Variants in CCDC171 observed in about 807,000 individuals in gnomAD.
CCDC171 encodes coiled-coil domain containing 171, also known as coiled-coil domain-containing protein 171.
Under a neutral mutation model 168.2 loss-of-function variants are expected in CCDC171, and 177 were observed. That is an observed-to-expected ratio of 1.05 (90% CI 0.93 to 1.19). CCDC171 has a LOEUF of 1.19. Among genes scored for constraint, CCDC171 ranks in the 50% most tolerant of loss-of-function variants. The pLI, the probability that CCDC171 is intolerant of heterozygous loss-of-function variation, is 0.00. For synonymous variants in CCDC171, 687 were observed against 540.8 expected, an observed-to-expected ratio of 1.27 and a Z score of -3.75; for missense variants, 1,991 against 1,539.0, an observed-to-expected ratio of 1.29 and a Z score of -4.91.
intron 17 of CCDC171, 135 bp downstream of exon 17, chr9:15,744,912 C>A: frequency 1.2e-6 from 1 of 823,836 alleles, no homozygotes; most frequent in Non-Finnish European, 1.8e-6. Context: ...TCCATATGTA[C>A]GTATATGTGT....
intron 20 of CCDC171, among the ~76,000 whole-genome samples, chr9:15,784,111 G>C (rs1204032699): frequency 6.6e-6 from 1 of 152,162 alleles, no homozygotes; most frequent in Non-Finnish European, 1.5e-5. Context: ...ATTTGACCGG[G>C]AGACCTGAAT....
intron 25 of CCDC171, among the ~76,000 whole-genome samples, chr9:15,970,319 A>G (rs1001530604): frequency 6.6e-6 from 1 of 152,190 alleles, no homozygotes. Context: ...ACAATTTTGT[A>G]TAACATGACA....
At chr9:15,632,522 G>A (rs945973702) in intron 7 of CCDC171, among the ~76,000 whole-genome samples, 15 of 152,012 alleles carry the variant, frequency 9.9e-5, no homozygotes, top group African/African-American at 3.4e-4. Context: ...AAATAAAAGA[G>A]GATACAAACA....
At chr9:15,583,597 G>C (rs1281912050) in intron 4 of CCDC171, among the ~76,000 whole-genome samples, 2 of 152,048 alleles carry the variant, frequency 1.3e-5, no homozygotes, top group Non-Finnish European at 2.9e-5. Flanking sequence ...AAAGGCATAA[G>C]AATGATATAA....
chr9:15,698,520 CAAAAAA>C (rs35301658), intron 11 of CCDC171, among the ~76,000 whole-genome samples: 1 of 106,988 alleles, frequency 9.3e-6, no homozygotes, highest in Non-Finnish European at 2.0e-5. Flanking sequence ...GACCCCGTCT[CAAAAAA>C]AAAAAAAAAA....
intron 3 of CCDC171, among the ~76,000 whole-genome samples, chr9:15,575,610 G>A (rs1344191105): frequency 1.3e-5 from 2 of 152,048 alleles, no homozygotes; most frequent in Non-Finnish European, 2.9e-5. Context: ...GAGAAATCAG[G>A]GAATCTGTGA....
chr9:16,009,844 A>G (rs2132981584), intron 3 of CCDC171, among the ~76,000 whole-genome samples: 1 of 152,292 alleles, frequency 6.6e-6, no homozygotes, highest in East Asian at 1.9e-4. Flanking sequence ...AAATTTGAGG[A>G]AAAAAATAAA....
At chr9:15,810,479 TG>T in intron 21 of CCDC171, among the ~76,000 whole-genome samples, 1 of 7,138 alleles carries the variant, frequency 1.4e-4, no homozygotes, top group East Asian at 3.2e-3. Context: ...TAGGGCCACT[TG>T]GGGGCCCGCC....
chr9:15,721,305 A>C (rs1389975902), intron 11 of CCDC171, among the ~76,000 whole-genome samples: 1 of 152,086 alleles, frequency 6.6e-6, no homozygotes, highest in East Asian at 1.9e-4. Flanking sequence ...AAAATAGTGC[A>C]GTATAAAAGG....
At chr9:15,706,388 C>A (rs887162684) in intron 11 of CCDC171, among the ~76,000 whole-genome samples, 2 of 152,040 alleles carry the variant, frequency 1.3e-5, no homozygotes, top group African/African-American at 4.8e-5. Flanking sequence ...CTTCTGGGCT[C>A]AAGTGATCCT....
At chr9:16,066,379 T>C (rs1032206104), downstream of CCDC171, among the ~76,000 whole-genome samples, 1 of 152,112 alleles carries the variant, frequency 6.6e-6, no homozygotes, top group Non-Finnish European at 1.5e-5. Context: ...GTGCAAATAC[T>C]ACAGCAAAAG....
At chr9:15,821,136 A>G (rs1411211780) in intron 21 of CCDC171, among the ~76,000 whole-genome samples, 1 of 117,204 alleles carries the variant, frequency 8.5e-6, no homozygotes, top group African/African-American at 3.2e-5. Context: ...AAATTCAACA[A>G]CGCTTCATGG....
intron 21 of CCDC171, among the ~76,000 whole-genome samples, chr9:15,828,644 T>C (rs1295289711): frequency 6.6e-6 from 1 of 152,258 alleles, no homozygotes; most frequent in East Asian, 1.9e-4. Flanking sequence ...CATCATTCTC[T>C]ATAGGGTGCT....
downstream of CCDC171, among the ~76,000 whole-genome samples, chr9:16,065,802 TGTGCATG>T (rs1381601804): frequency 2.3e-5 from 3 of 129,542 alleles, no homozygotes; most frequent in African/African-American, 9.8e-5. Flanking sequence ...TATGGGTTTG[TGTGCATG>T]GTGTGTGTGT....
At chr9:16,088,495 T>G in the CCDC171 span, among the ~76,000 whole-genome samples, 1 of 152,216 alleles carries the variant, frequency 6.6e-6, no homozygotes, top group Non-Finnish European at 1.5e-5. Flanking sequence ...CAAAATCTCC[T>G]TAAGCTGATA....
chr9:15,876,375 C>T (rs919945518), intron 24 of CCDC171, among the ~76,000 whole-genome samples: 3 of 152,024 alleles, frequency 2.0e-5, no homozygotes, highest in Admixed American at 6.6e-5. Context: ...CCATGCTTAG[C>T]TCTTTGAATA....
chr9:15,643,337 T>C (rs974724425), intron 7 of CCDC171, among the ~76,000 whole-genome samples: 1 of 152,146 alleles, frequency 6.6e-6, no homozygotes, highest in Non-Finnish European at 1.5e-5. Flanking sequence ...AAAATTAGCA[T>C]TGGGCCCATC....
At chr9:15,970,329 A>T (rs1454909207) in intron 25 of CCDC171, among the ~76,000 whole-genome samples, 1 of 152,310 alleles carries the variant, frequency 6.6e-6, no homozygotes, top group African/African-American at 2.4e-5. Flanking sequence ...ATAACATGAC[A>T]TAATAAAGCA....
At chr9:15,649,530 A>G (rs923638777) in intron 7 of CCDC171, among the ~76,000 whole-genome samples, 37 of 152,346 alleles carry the variant, frequency 2.4e-4, no homozygotes, top group African/African-American at 8.7e-4. Flanking sequence ...AGAATCTACA[A>G]TGAACTCAAA....
Sources: gnomAD v4.1 joint callset for allele counts (sites outside exome capture counted in the v4.1 genomes callset) on GRCh38, gnomAD v4.1.1 for gene constraint, MANE v1.5 for transcripts, NCBI Gene and HGNC (gene_info 2026-07-23, HGNC 2026-07-21) for gene names.